Variants in CAMSAP2 observed in about 807,000 individuals in gnomAD.
The protein encoded by CAMSAP2 is calmodulin regulated spectrin associated protein family member 2, also known as calmodulin-regulated spectrin-associated protein 2.
Under a neutral mutation model 146.1 loss-of-function variants are expected in CAMSAP2, and 26 were observed. The ratio of observed to expected loss-of-function variants is 0.18; its 90% confidence interval spans 0.13 to 0.25. The LOEUF is 0.25. Ranked by LOEUF, CAMSAP2 falls within the 10% of genes least tolerant of loss-of-function variation. The pLI, the probability that CAMSAP2 is intolerant of heterozygous loss-of-function variation, is 1.00. For synonymous variants in CAMSAP2, 499 were observed against 596.6 expected (o/e 0.84, Z 2.38); for missense variants, 1,381 against 1,759.3 (o/e 0.78, Z 3.85).
intron 2 of CAMSAP2, among the ~76,000 whole-genome samples, chr1:200,769,888 G>A (rs957224806): frequency 2.0e-5 from 3 of 152,188 alleles, no homozygotes; most frequent in Non-Finnish European, 4.4e-5. Context: ...CAGAAAGGCA[G>A]GAGAAGATTA....
At position 200,841,990 on chromosome 1, in the gene CAMSAP2, A is replaced by G; in HGVS notation, c.928-4A>G. ...GTAGGCTTTCTCTTAAATTTCCTATATAGAGTAATTATTTGGTGTTCATGG... is the reference window on the plus strand; with the variant it reads ...GTAGGCTTTCTCTTAAATTTCCTATGTAGAGTAATTATTTGGTGTTCATGG... On this transcript the variant is annotated splice_region_variant and splice_polypyrimidine_tract_variant and intron_variant, in intron 6 of 16. Coordinates refer to ENST00000358823, the MANE Select transcript of CAMSAP2 (RefSeq NM_203459.4). 1.2e-6 allele frequency: 2 copies of G among 1,605,052 alleles called. No individual in the cohort carries two copies. Among genetic ancestry groups the G allele is most frequent in the Non-Finnish European group, 8.5e-7 (1 of 1,171,948 alleles).
intron 2 of CAMSAP2, among the ~76,000 whole-genome samples, chr1:200,800,555 G>A (rs989403866): frequency 6.6e-6 from 1 of 151,850 alleles, no homozygotes; most frequent in African/African-American, 2.4e-5. Context: ...TAGCCTATGT[G>A]TGTCTTTGCA....
At chr1:200,797,522 GT>G in intron 2 of CAMSAP2, among the ~76,000 whole-genome samples, 1 of 109,214 alleles carries the variant, frequency 9.2e-6, no homozygotes, top group Middle Eastern at 4.3e-3. Context: ...GGGGTTGTTT[GT>G]TTTTTTCTTG....
intron 2 of CAMSAP2, among the ~76,000 whole-genome samples, chr1:200,800,445 T>C (rs1236598753): frequency 6.6e-6 from 1 of 152,198 alleles, no homozygotes; most frequent in African/African-American, 2.4e-5. Flanking sequence ...TTTTTATCTT[T>C]GTTGGTTTGA....
chr1:200,860,186 ATTTC>A lies in CAMSAP2; in HGVS notation c.*2131_*2134del, dbSNP rs1667844032. 2 of 152,664 alleles carry A rather than the reference ATTTC, an allele frequency of 1.3e-5. No individual in the cohort carries two copies. Among genetic ancestry groups the A allele is most frequent in the African/African-American group, 2.4e-5 (1 of 41,444 alleles). The allele number at this position is 152,664 out of a possible 1,614,324, so 9.5% of individuals were successfully genotyped here. A position where few individuals can be genotyped will look rare whatever the true frequency, so the allele number is the denominator to read the frequency against. The stretch of plus-strand genomic sequence containing the variant: ...ATTAATGCAGAAGGAATATGGATAT[ATTTC>A]TTTAAGTCTGCAGATTTTTTTATTA... On this transcript the variant is annotated 3_prime_UTR_variant, in exon 17 of 17. Transcript: ENST00000358823.
chr1:200,755,506 C>G lies in CAMSAP2; in HGVS notation c.140-5333C>G, dbSNP rs184622525. On this transcript the variant is annotated intron_variant, in intron 1 of 16. Coordinates refer to ENST00000358823, the MANE Select transcript of CAMSAP2 (RefSeq NM_203459.4). ...GAGTAGGCTGATGGCTTATAAGGAT[C>G]TGGAGCTCAGAAGAGGTGCTTTGGC... 7.2e-5 allele frequency among the ~76,000 whole-genome samples: 11 copies of G among 152,270 alleles called. No homozygotes were observed. The East Asian group carries it at 1.9e-3, about 27-fold the overall frequency.
At chr1:200,811,706 C>A (rs1301065692) in intron 3 of CAMSAP2, among the ~76,000 whole-genome samples, 1 of 152,156 alleles carries the variant, frequency 6.6e-6, no homozygotes, top group Non-Finnish European at 1.5e-5. Context: ...CTACAAGTAT[C>A]TTTTTATAGT....
chr1:200,805,044 G>GT (rs1666137289), intron 2 of CAMSAP2, among the ~76,000 whole-genome samples: 1 of 152,142 alleles, frequency 6.6e-6, no homozygotes, highest in Non-Finnish European at 1.5e-5. Flanking sequence ...TATAGAAAGT[G>GT]TTTTTTATCT....
rs1664218758 is a variant in CAMSAP2, at chr1:200,742,856, C to T, written c.139+2890C>T. ...GAAGTAATTGAACTTAAAAAAAAAACACTGATGTTGTAATACCTAGAAAGC... is the reference window on the plus strand; with the variant it reads ...GAAGTAATTGAACTTAAAAAAAAAATACTGATGTTGTAATACCTAGAAAGC... On this transcript the variant is annotated intron_variant, in intron 1 of 16. Coordinates refer to ENST00000358823, the MANE Select transcript of CAMSAP2 (RefSeq NM_203459.4). 2.7e-5 allele frequency among the ~76,000 whole-genome samples: 4 copies of T among 149,112 alleles called. No homozygotes were observed. In the South Asian group the frequency reaches 8.6e-4, roughly 32 times the overall value.
chr1:200,811,374 T>G (rs1320670713), intron 3 of CAMSAP2, among the ~76,000 whole-genome samples: 2 of 152,128 alleles, frequency 1.3e-5, no homozygotes, highest in African/African-American at 2.4e-5. Context: ...CCCATTACCC[T>G]TCCTAGAATA....
intron 2 of CAMSAP2, among the ~76,000 whole-genome samples, chr1:200,782,833 C>T (rs1459561410): frequency 1.5e-5 from 2 of 133,422 alleles, no homozygotes; most frequent in Non-Finnish European, 3.1e-5. Context: ...CTCTGTCATC[C>T]AGGCTAGAGT....
At chr1:200,794,291 T>C (rs553991457) in intron 2 of CAMSAP2, among the ~76,000 whole-genome samples, 2 of 152,228 alleles carry the variant, frequency 1.3e-5, no homozygotes, top group South Asian at 4.2e-4. Flanking sequence ...TTATACACAG[T>C]TTTTTCAGTA....
intron 1 of CAMSAP2, among the ~76,000 whole-genome samples, chr1:200,742,413 G>A (rs2102982550): frequency 6.6e-6 from 1 of 152,250 alleles, no homozygotes; most frequent in South Asian, 2.1e-4. Context: ...GACCTTGAGT[G>A]ACTTAGTAAC....
chr1:200,793,520 A>C (rs1195327495), intron 2 of CAMSAP2, among the ~76,000 whole-genome samples: 1 of 152,220 alleles, frequency 6.6e-6, no homozygotes, highest in Non-Finnish European at 1.5e-5. Flanking sequence ...AAATTTCTTA[A>C]GAGTGGATTT....
intron 4 of CAMSAP2, among the ~76,000 whole-genome samples, chr1:200,816,505 A>G (rs1250567615): frequency 3.4e-5 from 5 of 148,492 alleles, no homozygotes; most frequent in Non-Finnish European, 7.4e-5. Flanking sequence ...GAGGCAGGAG[A>G]ATCGCTTGAA....
intron 4 of CAMSAP2, among the ~76,000 whole-genome samples, chr1:200,819,828 A>G (rs1159122349): frequency 1.3e-5 from 2 of 152,180 alleles, no homozygotes; most frequent in African/African-American, 4.8e-5. Flanking sequence ...TATGCATGAA[A>G]TATCTAGGAG....
At position 200,843,223 on chromosome 1, in the gene CAMSAP2, G is replaced by A. The variant is rs191154700; in HGVS notation, c.1021+1136G>A. 1.8e-4 allele frequency among the ~76,000 whole-genome samples: 27 copies of A among 152,024 alleles called. No homozygotes were observed. In the East Asian group the frequency reaches 3.3e-3, roughly 18 times the overall value. On this transcript the variant is annotated intron_variant, in intron 7 of 16. Coordinates refer to ENST00000358823, the MANE Select transcript of CAMSAP2 (RefSeq NM_203459.4). Reference sequence around the variant, plus strand: ...CTGCTACCGTTACCTGCACCTCCCCGCTAAACCCCCAAAAAATAAAAGAAG... The same window carrying A: ...CTGCTACCGTTACCTGCACCTCCCCACTAAACCCCCAAAAAATAAAAGAAG...
intron 2 of CAMSAP2, among the ~76,000 whole-genome samples, chr1:200,764,880 G>T (rs547499969): frequency 6.6e-6 from 1 of 152,256 alleles, no homozygotes; most frequent in African/African-American, 2.4e-5. Flanking sequence ...AAGGCGGGTG[G>T]TTCACCTGAG....
intron 2 of CAMSAP2, among the ~76,000 whole-genome samples, chr1:200,787,475 A>G (rs1433353067): frequency 6.6e-6 from 1 of 152,334 alleles, no homozygotes; most frequent in East Asian, 1.9e-4. Context: ...GCCCGGAGAT[A>G]GGACTGAATT....
Sources: allele counts gnomAD v4.1 joint callset (sites outside exome capture counted in the v4.1 genomes callset), GRCh38; gene constraint gnomAD v4.1.1; transcripts MANE v1.5; gene names NCBI Gene and HGNC (gene_info 2026-07-23, HGNC 2026-07-21).